EPM2A: variants seen among roughly 807,000 people sequenced by gnomAD.
The protein encoded by EPM2A is laforin.
In EPM2A, 21 loss-of-function variants were observed where a neutral mutation model predicts 26.5. That is an observed-to-expected ratio of 0.79 (90% confidence interval 0.56 to 1.14). The LOEUF is 1.14. Ranked by LOEUF, EPM2A falls within the 50% of genes most tolerant of loss-of-function variation. The probability of loss-of-function intolerance (pLI) is 0.00; values close to 1 mark genes in which losing one functional copy is unlikely to be tolerated. For synonymous variants in EPM2A, 217 were observed against 177.6 expected, an observed-to-expected ratio of 1.22 and a Z score of -1.76; for missense variants, 458 against 440.8, an observed-to-expected ratio of 1.04 and a Z score of -0.35.
intron 4 of EPM2A, among the ~76,000 whole-genome samples, chr6:145,405,020 C>T (rs1778547414): frequency 6.6e-6 from 1 of 152,142 alleles, no homozygotes; most frequent in Non-Finnish European, 1.5e-5. Flanking sequence ...ATCTTGAACA[C>T]TGTACTTCCA....
chr6:145,518,595 CAAAAAAAAAAA>C (rs55802475), intron 2 of EPM2A, among the ~76,000 whole-genome samples: 2 of 102,662 alleles, frequency 1.9e-5, no homozygotes, highest in Non-Finnish European at 4.0e-5. Flanking sequence ...TGAAATGCAC[CAAAAAAAAAAA>C]AAAAAAAAAA....
intron 2 of EPM2A, among the ~76,000 whole-genome samples, chr6:145,643,022 G>C (rs764560217): frequency 1.3e-5 from 2 of 152,134 alleles, no homozygotes; most frequent in Non-Finnish European, 2.9e-5. Context: ...GAAGAGGGAA[G>C]ACCTTTCGGA....
At chr6:145,575,228 G>C (rs536901493) in intron 2 of EPM2A, among the ~76,000 whole-genome samples, 1 of 152,222 alleles carries the variant, frequency 6.6e-6, no homozygotes, top group East Asian at 1.9e-4. Flanking sequence ...TGGGGAAGCT[G>C]TTTACTCTGG....
intron 2 of EPM2A, among the ~76,000 whole-genome samples, chr6:145,566,886 C>T (rs973896699): frequency 6.6e-6 from 1 of 152,184 alleles, no homozygotes; most frequent in African/African-American, 2.4e-5. Context: ...TGCCTGATGC[C>T]TGTGTCAAAT....
At chr6:145,620,274 C>T (rs1775604967) in intron 2 of EPM2A, among the ~76,000 whole-genome samples, 1 of 152,158 alleles carries the variant, frequency 6.6e-6, no homozygotes. Flanking sequence ...ACCTAGATCC[C>T]TCGCATGTGC....
At chr6:145,555,444 C>T (rs1027462281) in intron 2 of EPM2A, among the ~76,000 whole-genome samples, 10 of 152,042 alleles carry the variant, frequency 6.6e-5, no homozygotes, top group Admixed American at 5.9e-4. Context: ...CACTGGCAAT[C>T]TTTGACCATC....
intron 4 of EPM2A, among the ~76,000 whole-genome samples, chr6:145,419,842 A>G (rs562189342): frequency 1.3e-5 from 2 of 152,290 alleles, no homozygotes; most frequent in East Asian, 1.9e-4. Flanking sequence ...TACAAATATG[A>G]ATGATACAAA....
At chr6:145,524,476 G>A (rs888573762) in intron 2 of EPM2A, among the ~76,000 whole-genome samples, 2 of 152,026 alleles carry the variant, frequency 1.3e-5, no homozygotes, top group Non-Finnish European at 2.9e-5. Flanking sequence ...ATTCTGATTG[G>A]TTTGAGATGG....
chr6:145,468,330 A>T (rs1475282440), intron 4 of EPM2A, among the ~76,000 whole-genome samples: 1 of 152,150 alleles, frequency 6.6e-6, no homozygotes, highest in Non-Finnish European at 1.5e-5. Context: ...GTACATTGTA[A>T]GTTCCTCATA....
chr6:145,624,058 T>C (rs1344385285), downstream of EPM2A, among the ~76,000 whole-genome samples: 1 of 152,184 alleles, frequency 6.6e-6, no homozygotes, highest in African/African-American at 2.4e-5. Context: ...ATTATTGCTA[T>C]AATGAGGGTA....
intron 2 of EPM2A, among the ~76,000 whole-genome samples, chr6:145,539,796 C>T (rs1780482269): frequency 6.6e-6 from 1 of 152,122 alleles, no homozygotes; most frequent in Admixed American, 6.5e-5. Context: ...CTACCTCTCC[C>T]AGGGTTAGCC....
At chr6:145,438,617 GCACACGCCACCA>G (rs1414097060) in intron 4 of EPM2A, among the ~76,000 whole-genome samples, 1 of 151,694 alleles carries the variant, frequency 6.6e-6, no homozygotes, top group East Asian at 1.9e-4. Context: ...GGGATTACAG[GCACACGCCACCA>G]CACCCAGCTA....
intron 2 of EPM2A, among the ~76,000 whole-genome samples, chr6:145,538,001 A>T (rs983886068): frequency 1.3e-5 from 2 of 152,186 alleles, no homozygotes; most frequent in African/African-American, 4.8e-5. Flanking sequence ...CCAGTCTATC[A>T]TTGATGGGCA....
intron 1 of EPM2A, among the ~76,000 whole-genome samples, chr6:145,718,997 A>C (rs941789822): frequency 6.6e-6 from 1 of 152,210 alleles, no homozygotes; most frequent in Non-Finnish European, 1.5e-5. Context: ...GGATGTGGAG[A>C]AATAGGAACA....
intron 2 of EPM2A, among the ~76,000 whole-genome samples, chr6:145,684,528 C>A (rs1386774027): frequency 6.6e-6 from 1 of 152,130 alleles, no homozygotes; most frequent in Non-Finnish European, 1.5e-5. Flanking sequence ...AACCAGGGCT[C>A]AATATTTTTG....
intron 4 of EPM2A, among the ~76,000 whole-genome samples, chr6:145,494,478 A>G (rs574611111): frequency 6.6e-6 from 1 of 151,762 alleles, no homozygotes; most frequent in Non-Finnish European, 1.5e-5. Context: ...TTGTGTCTCT[A>G]TCTCCTTCAG....
In EPM2A at chr6:145,429,375, A is replaced by G. The variant is rs148817971; in HGVS notation, c.556-45278T>C. Among the ~76,000 whole-genome samples the G allele has an allele frequency of 7.8e-3, 1,191 of 152,208 alleles. 16 individuals carry two copies. Among genetic ancestry groups the G allele is most frequent in the African/African-American group, 0.026 (1,085 of 41,534 alleles). ...CTTCTTAAAAGCAAGGTTCTTTTCT[A>G]TATTATTTGCTTCCATATCTCCTGC... On this transcript the variant is annotated intron_variant, in intron 4 of 4. Transcript: ENST00000638717.
At position 145,735,193 on chromosome 6, in the gene EPM2A, A is replaced by C. The variant is rs776655093; in HGVS notation, c.301+5T>G. On this transcript the variant is annotated splice_donor_5th_base_variant and intron_variant, in intron 1 of 3. Coordinates refer to ENST00000367519, the MANE Select transcript of EPM2A (RefSeq NM_005670.4). The stretch of plus-strand genomic sequence containing the variant: ...GCGCCGGGGGCAGGCGTCTGCTGGC[A>C]ATACCTTCCCAGGAGAGCTCTCCTC... The C allele has an allele frequency of 1.3e-6, 2 of 1,504,464 alleles. No individual in the cohort carries two copies. Among genetic ancestry groups the C allele is most frequent in the Admixed American group, 4.1e-5 (2 of 48,234 alleles). 93.2% of individuals were successfully genotyped at this position (1,504,464 alleles called of 1,614,324 possible).
intron 4 of EPM2A, among the ~76,000 whole-genome samples, chr6:145,439,555 T>C (rs1779034794): frequency 6.6e-6 from 1 of 152,236 alleles, no homozygotes; most frequent in Non-Finnish European, 1.5e-5. Flanking sequence ...TTTGCATTTC[T>C]TTAACGATCA....
Sources: gnomAD v4.1 joint callset for allele counts (sites outside exome capture counted in the v4.1 genomes callset) on GRCh38, gnomAD v4.1.1 for gene constraint, MANE v1.5 for transcripts, NCBI Gene and HGNC (gene_info 2026-07-23, HGNC 2026-07-21) for gene names.